The following CRADD variants were observed in gnomAD, a reference collection of about 807,000 sequenced individuals.
CRADD encodes the protein death domain-containing protein CRADD.
Under a neutral mutation model 15.5 loss-of-function variants are expected in CRADD, and 9 were observed. The observed-to-expected ratio is 0.58, with a 90% CI of 0.35 to 1.01. The LOEUF (loss-of-function observed/expected upper bound fraction) is 1.01, where lower values mean the gene tolerates loss of function less well. Ranked by LOEUF, CRADD falls within the 50% of genes least tolerant of loss-of-function variation. CRADD has a pLI of 0.02. For synonymous variants in CRADD, 118 were observed against 107.6 expected (o/e 1.10, Z -0.60); for missense variants, 227 against 250.3 (o/e 0.91, Z 0.63).
chr12:93,771,593 A>G (rs1167297824), intron 2 of CRADD, among the ~76,000 whole-genome samples: 1 of 152,250 alleles, frequency 6.6e-6, no homozygotes, highest in Non-Finnish European at 1.5e-5. Flanking sequence ...GAAGAGCACA[A>G]AAAGAAAACC....
At chr12:93,683,237 C>T (rs1046184204) in intron 2 of CRADD, among the ~76,000 whole-genome samples, 1 of 152,092 alleles carries the variant, frequency 6.6e-6, no homozygotes. Context: ...GGGAGTGACT[C>T]CTGGGCCACA....
In CRADD at chr12:93,779,773, TAGAG is replaced by T. The variant is rs369027771; in HGVS notation, c.299-70192_299-70189del. On this transcript the variant is annotated intron_variant, in intron 2 of 2. Transcript: ENST00000332896. ...TCTGGCTAATTTTTGTATTTTTTGG[TAGAG>T]AGAGTTTCACCATGTTGGCCAGGCT... Among the ~76,000 whole-genome samples, 11 of 152,052 alleles carry T rather than the reference TAGAG, an allele frequency of 7.2e-5. No homozygotes were observed. In the South Asian group the frequency reaches 1.2e-3, roughly 17 times the overall value.
chr12:93,745,036 G>A (rs2136932927), intron 2 of CRADD, among the ~76,000 whole-genome samples: 1 of 152,274 alleles, frequency 6.6e-6, no homozygotes, highest in African/African-American at 2.4e-5. Flanking sequence ...AAGAAACTGG[G>A]TTCCCTGACC....
At chr12:93,806,865 A>G (rs188784841) in intron 2 of CRADD, among the ~76,000 whole-genome samples, 64 of 152,312 alleles carry the variant, frequency 4.2e-4, no homozygotes, top group Non-Finnish European at 8.7e-4. Context: ...TATCCAGCAC[A>G]TCTTGAAAGA....
chr12:93,894,014 TC>T (rs1475421329), intron 2 of CRADD: 2 of 702,394 alleles, frequency 2.8e-6, no homozygotes, highest in Non-Finnish European at 5.2e-6. Flanking sequence ...ATCGCCATAC[TC>T]CCTTGATTTG....
intron 2 of CRADD, among the ~76,000 whole-genome samples, chr12:93,817,037 A>C (rs1957709052): frequency 6.6e-6 from 1 of 152,190 alleles, no homozygotes; most frequent in Non-Finnish European, 1.5e-5. Flanking sequence ...TAATTTTACA[A>C]ATATAGTATT....
intron 2 of CRADD, chr12:93,707,949 G>A (rs767052366): frequency 7.9e-5 from 12 of 152,192 alleles, no homozygotes; most frequent in Non-Finnish European, 1.5e-5. Flanking sequence ...TTTGATGGAT[G>A]GAGACTCTAA....
chr12:93,797,230 GAGAA>G (rs1957428430), intron 2 of CRADD, among the ~76,000 whole-genome samples: 2 of 152,154 alleles, frequency 1.3e-5, no homozygotes, highest in Non-Finnish European at 2.9e-5. Flanking sequence ...GAACACATGA[GAGAA>G]AGAAAGAGAG....
chr12:93,716,205 A>G (rs1956160395), intron 2 of CRADD, among the ~76,000 whole-genome samples: 1 of 151,576 alleles, frequency 6.6e-6, no homozygotes, highest in African/African-American at 2.4e-5. Context: ...TTTATTTTTT[A>G]TTAATACACT....
intron 2 of CRADD, among the ~76,000 whole-genome samples, chr12:93,686,249 C>T (rs1406031254): frequency 3.0e-5 from 4 of 131,208 alleles, no homozygotes; most frequent in East Asian, 4.8e-4. Flanking sequence ...TGCAGTGAGC[C>T]GAGATTGTGC....
At chr12:93,751,350 G>A (rs1402301915) in intron 2 of CRADD, among the ~76,000 whole-genome samples, 1 of 152,184 alleles carries the variant, frequency 6.6e-6, no homozygotes, top group Non-Finnish European at 1.5e-5. Context: ...AGGAGGTTCA[G>A]TCAATCACTA....
rs375390336 is a variant in CRADD at position 93,871,911 on chromosome 12, C to A, written c.299-22139C>A. ...TCTCTTTGATGTATGGATTTTCTTTCTTTTGGGTATATACCTAGCAGTGGG... is the reference window on the plus strand; with the variant it reads ...TCTCTTTGATGTATGGATTTTCTTTATTTTGGGTATATACCTAGCAGTGGG... On this transcript the variant is annotated intron_variant, in intron 2 of 2. Coordinates refer to the CRADD transcript ENST00000548483. Among the ~76,000 whole-genome samples, 14 of 152,144 alleles carry A rather than the reference C, an allele frequency of 9.2e-5. No homozygotes were observed. In the East Asian group the frequency reaches 9.6e-4, roughly 10 times the overall value.
At chr12:93,811,446 G>A (rs1018027942) in intron 2 of CRADD, among the ~76,000 whole-genome samples, 3 of 152,182 alleles carry the variant, frequency 2.0e-5, no homozygotes, top group African/African-American at 7.2e-5. Flanking sequence ...TACCTATACT[G>A]GCACCATTGA....
At chr12:93,784,849 A>T (rs1957259038) in intron 2 of CRADD, among the ~76,000 whole-genome samples, 1 of 152,222 alleles carries the variant, frequency 6.6e-6, no homozygotes, top group Admixed American at 6.5e-5. Context: ...ATAAAAACAA[A>T]TGTCAAAGAA....
chr12:93,695,275 G>T (rs537907399), intron 2 of CRADD, among the ~76,000 whole-genome samples: 1 of 152,158 alleles, frequency 6.6e-6, no homozygotes, highest in East Asian at 1.9e-4. Flanking sequence ...GAAGAATTTA[G>T]ACCCTCATCT....
At chr12:93,726,094 G>GTTTTTTTTTTTT (rs1165429350) in intron 2 of CRADD, among the ~76,000 whole-genome samples, 1 of 96,010 alleles carries the variant, frequency 1.0e-5, no homozygotes, top group African/African-American at 3.7e-5. Flanking sequence ...AAATAGTTTA[G>GTTTTTTTTTTTT]TTTTTTTTTT....
chr12:93,778,141 A>C (rs1188710480), intron 2 of CRADD, among the ~76,000 whole-genome samples: 1 of 152,180 alleles, frequency 6.6e-6, no homozygotes, highest in African/African-American at 2.4e-5. Context: ...TTGATTAACT[A>C]TCCTGGATAT....
chr12:93,870,723 C>T (rs375931076), intron 2 of CRADD, among the ~76,000 whole-genome samples: 6 of 152,254 alleles, frequency 3.9e-5, no homozygotes, highest in South Asian at 2.1e-4. Context: ...CCTCAAAGCC[C>T]GTTATAGAGT....
intron 2 of CRADD, among the ~76,000 whole-genome samples, chr12:93,741,940 C>T (rs1392229140): frequency 6.6e-6 from 1 of 152,122 alleles, no homozygotes; most frequent in Non-Finnish European, 1.5e-5. Context: ...CTATGCTCCA[C>T]CGCGTCTCCT....
Sources: allele counts gnomAD v4.1 joint callset (sites outside exome capture counted in the v4.1 genomes callset), GRCh38; gene constraint gnomAD v4.1.1; transcripts MANE v1.5; gene names NCBI Gene and HGNC (gene_info 2026-07-23, HGNC 2026-07-21).